SLC15A4: variants seen among roughly 807,000 people sequenced by gnomAD.
SLC15A4 encodes solute carrier family 15 member 4.
A neutral mutation model predicts 46.1 loss-of-function variants in SLC15A4; 26 were observed. The ratio of observed to expected loss-of-function variants is 0.56; its 90% confidence interval spans 0.41 to 0.78. The LOEUF (loss-of-function observed/expected upper bound fraction) is 0.78. SLC15A4 is among the 30% of genes least tolerant of loss of function. The pLI is 0.00. For synonymous variants in SLC15A4, 370 were observed against 333.4 expected (o/e 1.11, Z -1.20); for missense variants, 751 against 755.7 (o/e 0.99, Z 0.07).
chr12:128,798,555 C>T lies in SLC15A4; in HGVS notation c.1573+704G>A, dbSNP rs186510555. On this transcript the variant is annotated intron_variant, in intron 7 of 7. Transcript: ENST00000266771. ...TAAAAGTGGCTAAGTACTACCGGAC[C>T]AGAGCAAATGCCACATGATTATACA... Among the ~76,000 whole-genome samples, 19 of 152,292 alleles carry T rather than the reference C, an allele frequency of 1.2e-4. No homozygotes were observed. The East Asian group carries it at 3.5e-3, about 28-fold the overall frequency.
At chr12:128,804,909 C>T (rs1470332953) in intron 5 of SLC15A4, among the ~76,000 whole-genome samples, 2 of 152,144 alleles carry the variant, frequency 1.3e-5, no homozygotes, top group East Asian at 3.8e-4. Context: ...GCTGTATCAC[C>T]TCACTGAAAC....
chr12:128,823,304 C>A, intron 1 of SLC15A4, 94 bp downstream of exon 1: 1 of 1,213,124 alleles, frequency 8.2e-7, no homozygotes, highest in Non-Finnish European at 1.1e-6. Flanking sequence ...GGGGCTCCCT[C>A]CGCGGTCAGA....
chr12:128,815,877 C>A (rs1253450216), intron 1 of SLC15A4: 1 of 152,214 alleles, frequency 6.6e-6, no homozygotes, highest in Non-Finnish European at 1.5e-5. Context: ...TACCATGAGG[C>A]ACCCCACAAA....
At chr12:128,797,043 C>T (rs1352421530) in intron 7 of SLC15A4, among the ~76,000 whole-genome samples, 2 of 152,132 alleles carry the variant, frequency 1.3e-5, no homozygotes, top group South Asian at 2.1e-4. Flanking sequence ...CATTCCTGGG[C>T]CTCTTCACAG....
At chr12:128,815,382 AAT>A (rs1955737245) in intron 1 of SLC15A4, 1 of 276,664 alleles carries the variant, frequency 3.6e-6, no homozygotes, top group Non-Finnish European at 7.0e-6. Context: ...AATTACCTGG[AAT>A]GCTCTTTAAA....
intron 1 of SLC15A4, chr12:128,819,497 C>T (rs573393904): frequency 2.6e-5 from 4 of 152,312 alleles, no homozygotes; most frequent in East Asian, 1.9e-4. Context: ...GAAATAAGGA[C>T]ATTCTTTTAA....
rs543895282 is a variant in SLC15A4, at chr12:128,794,160, T to C, written c.*36A>G. 79 of 1,579,280 alleles carry C rather than the reference T, an allele frequency of 5.0e-5. No homozygotes were observed. The East Asian group carries it at 1.6e-3, about 32-fold the overall frequency. ...AGTGCACCCCAGTCAGTTACTGACA[T>C]GTCAGCCTCAGAAACCGCACATGGC... On this transcript the variant is annotated 3_prime_UTR_variant, in exon 8 of 8. Coordinates refer to ENST00000266771, the MANE Select transcript of SLC15A4 (RefSeq NM_145648.4).
At chr12:128,821,684 A>G (rs1245128111) in intron 1 of SLC15A4, among the ~76,000 whole-genome samples, 1 of 152,064 alleles carries the variant, frequency 6.6e-6, no homozygotes, top group East Asian at 1.9e-4. Flanking sequence ...TCAAGAGATC[A>G]AGACCATCCT....
At chr12:128,794,710 C>G (rs1184460308) in intron 7 of SLC15A4, among the ~76,000 whole-genome samples, 1 of 152,200 alleles carries the variant, frequency 6.6e-6, no homozygotes, top group Admixed American at 6.5e-5. Context: ...GGCCTGCAGA[C>G]ACACATGCGG....
At position 128,823,535 on chromosome 12, in the gene SLC15A4, G is replaced by T; in HGVS notation, c.409C>A (p.Arg137Ser). 1 of 1,465,362 alleles carries T rather than the reference G, an allele frequency of 6.8e-7. No homozygotes were observed. Among genetic ancestry groups the T allele is most frequent in the Non-Finnish European group, 9.0e-7 (1 of 1,116,278 alleles). The allele number at this position is 1,465,362 out of a possible 1,614,324, so 90.8% of individuals were successfully genotyped here. A position where few individuals can be genotyped will look rare whatever the true frequency, so the allele number is the denominator to read the frequency against. Reference protein sequence around the residue: ...ATRAALCGSARLLNCTAPGPD... With the variant: ...ATRAALCGSASLLNCTAPGPD... ...CCAGGCGCCGTGCAGTTGAGCAGGCGCGCGGAACCGCAGAGCGCGGCTCGC... is the reference window on the plus strand; with the variant it reads ...CCAGGCGCCGTGCAGTTGAGCAGGCTCGCGGAACCGCAGAGCGCGGCTCGC... Residue 137 changes from arginine (R) to serine (S), a missense_variant, in exon 1 of 8, where the codon CGC becomes AGC. By Grantham distance (110) the Arg-to-Ser change is moderately radical. Transcript: ENST00000266771.
chr12:128,794,343 G>A lies in SLC15A4; in HGVS notation c.1587C>T (p.Gly529=). 1 of 1,611,612 alleles carries A rather than the reference G, an allele frequency of 6.2e-7. No individual in the cohort carries two copies. The highest frequency in any genetic ancestry group is 8.5e-7 in the Non-Finnish European group (1 of 1,179,078). The change falls in exon 8 of 8, where the codon GGC becomes GGT. Residue 529 remains glycine (G), a synonymous_variant. Transcript: ENST00000266771. ...GAAAAAAGTAATAGTTCAAATAGCA[G>A]CCGTTAATATTACCTGGAGAAAACA... ...SSHTDFGNIN[G]CYLNYYFFLL...
chr12:128,823,298 C>A, intron 1 of SLC15A4, 100 bp downstream of exon 1: 2 of 1,165,470 alleles, frequency 1.7e-6, no homozygotes, highest in Non-Finnish European at 2.2e-6. Context: ...GGGCAAGGGG[C>A]TCCCTCCGCG....
chr12:128,802,547 AGAG>A (rs1955529188), intron 5 of SLC15A4, among the ~76,000 whole-genome samples: 1 of 152,158 alleles, frequency 6.6e-6, no homozygotes, highest in African/African-American at 2.4e-5. Flanking sequence ...CCTTCACAGG[AGAG>A]GAGGAGAGCC....
At chr12:128,796,458 A>AAAACC (rs1176888407) in intron 7 of SLC15A4, among the ~76,000 whole-genome samples, 1 of 34,614 alleles carries the variant, frequency 2.9e-5, no homozygotes, top group South Asian at 1.1e-3. Context: ...AAAAAAAAAA[A>AAAACC]CCCACACATC....
chr12:128,814,619 T>C, intron 2 of SLC15A4, 156 bp downstream of exon 2: 1 of 747,666 alleles, frequency 1.3e-6, no homozygotes, highest in Non-Finnish European at 2.1e-6. Context: ...CGCACCCGCC[T>C]CCTTGGGGAA....
chr12:128,811,135 T>C (rs1955651661), intron 2 of SLC15A4, among the ~76,000 whole-genome samples: 2 of 152,156 alleles, frequency 1.3e-5, no homozygotes, highest in South Asian at 2.1e-4. Flanking sequence ...AACACTCTAA[T>C]GGGGAACGGG....
chr12:128,799,553 T>C, intron 6 of SLC15A4, 136 bp from the exon 7 acceptor site: 1 of 859,328 alleles, frequency 1.2e-6, no homozygotes, highest in Non-Finnish European at 1.8e-6. Flanking sequence ...CAACCTCTTT[T>C]CTATTAGGAG....
chr12:128,822,941 C>T (rs901648143), intron 1 of SLC15A4, among the ~76,000 whole-genome samples: 3 of 152,132 alleles, frequency 2.0e-5, no homozygotes, highest in Non-Finnish European at 2.9e-5. Context: ...CTCCGAAACT[C>T]GTAGGCTCAA....
At chr12:128,816,175 C>G (rs145043625) in intron 1 of SLC15A4, among the ~76,000 whole-genome samples, 1 of 152,150 alleles carries the variant, frequency 6.6e-6, no homozygotes, top group African/African-American at 2.4e-5. Flanking sequence ...ATGGAGTTCA[C>G]GAGGCTACTT....
Sources: gnomAD v4.1 joint callset for allele counts (sites outside exome capture counted in the v4.1 genomes callset) on GRCh38, gnomAD v4.1.1 for gene constraint, MANE v1.5 for transcripts, NCBI Gene and HGNC (gene_info 2026-07-23, HGNC 2026-07-21) for gene names.